Variants in SCAPER observed in about 807,000 individuals in gnomAD.
The protein encoded by SCAPER is S phase cyclin A-associated protein in the endoplasmic reticulum.
Under a neutral mutation model 182.2 loss-of-function variants are expected in SCAPER, and 98 were observed. The observed-to-expected ratio is 0.54, with a 90% CI of 0.46 to 0.64. The LOEUF (loss-of-function observed/expected upper bound fraction) is 0.64. Ranked by LOEUF, SCAPER falls within the 30% of genes least tolerant of loss-of-function variation. The pLI is 0.00. For missense variants in SCAPER, 1,432 were observed against 1,690.0 expected (o/e 0.85, Z 2.68); for synonymous variants, 605 against 564.6 (o/e 1.07, Z -1.01).
At chr15:76,605,597 G>A (rs1308319724) in intron 22 of SCAPER, among the ~76,000 whole-genome samples, 1 of 152,188 alleles carries the variant, frequency 6.6e-6, no homozygotes, top group African/African-American at 2.4e-5. Flanking sequence ...CAGAAGGAAT[G>A]GTAGCAGCTC....
intron 23 of SCAPER, among the ~76,000 whole-genome samples, chr15:76,536,649 CT>C (rs1406891522): frequency 6.6e-6 from 1 of 152,036 alleles, no homozygotes; most frequent in Non-Finnish European, 1.5e-5. Context: ...CCTTTGAAAA[CT>C]GGCACAAGAC....
chr15:76,633,190 G>A (rs1400124708), intron 21 of SCAPER, among the ~76,000 whole-genome samples: 1 of 152,142 alleles, frequency 6.6e-6, no homozygotes, highest in Non-Finnish European at 1.5e-5. Context: ...TAGGGCTGCT[G>A]CCATTTGCTG....
At chr15:76,691,254 A>G (rs2058342384) in intron 20 of SCAPER, among the ~76,000 whole-genome samples, 1 of 152,048 alleles carries the variant, frequency 6.6e-6, no homozygotes, top group Non-Finnish European at 1.5e-5. Flanking sequence ...AAATTAAATT[A>G]TTAAAGAAAT....
chr15:76,782,969 G>T (rs1273702072), intron 8 of SCAPER, among the ~76,000 whole-genome samples: 2 of 152,114 alleles, frequency 1.3e-5, no homozygotes, highest in African/African-American at 2.4e-5. Context: ...TCAATTAAAA[G>T]AACTAGAGAA....
chr15:76,468,537 A>G (rs577691438), intron 25 of SCAPER, among the ~76,000 whole-genome samples: 2 of 152,196 alleles, frequency 1.3e-5, no homozygotes, highest in African/African-American at 4.8e-5. Flanking sequence ...AGAAGAAGAA[A>G]ATGATCAAGG....
At chr15:76,761,011 A>G (rs2062749682) in intron 14 of SCAPER, among the ~76,000 whole-genome samples, 1 of 151,928 alleles carries the variant, frequency 6.6e-6, no homozygotes, top group African/African-American at 2.4e-5. Flanking sequence ...TTGGTTTTTG[A>G]TTACTGATTC....
rs536222750 is a variant in SCAPER at position 76,379,488 on chromosome 15, C to T, written c.3705+1890G>A. On this transcript the variant is annotated intron_variant, in intron 28 of 31. Transcript: ENST00000563290. ...ATTTTGTTATTTCATTTCTTTTTAT[C>T]CCTAGAGACCCTGATTTTGAGAATA... Among the ~76,000 whole-genome samples the T allele has an allele frequency of 2.1e-3, 317 of 151,978 alleles. 2 individuals carry two copies. The highest frequency in any genetic ancestry group is 7.3e-3 in the African/African-American group (302 of 41,448).
At chr15:76,422,194 A>G (rs1366034517) in intron 26 of SCAPER, among the ~76,000 whole-genome samples, 6 of 152,302 alleles carry the variant, frequency 3.9e-5, no homozygotes, top group South Asian at 4.1e-4. Context: ...CATTGAATCT[A>G]TAAATTACCT....
intron 5 of SCAPER, among the ~76,000 whole-genome samples, chr15:76,806,355 G>A (rs1035041690): frequency 2.0e-5 from 3 of 152,094 alleles, no homozygotes; most frequent in Non-Finnish European, 4.4e-5. Context: ...ATACATAGAC[G>A]TATGAATTTA....
chr15:76,511,097 A>C (rs2041992983), intron 23 of SCAPER, among the ~76,000 whole-genome samples: 1 of 151,922 alleles, frequency 6.6e-6, no homozygotes, highest in Non-Finnish European at 1.5e-5. Context: ...CTGGGGACTC[A>C]GGGGGAAAGG....
intron 20 of SCAPER, 94 bp from the exon 21 acceptor site, chr15:76,665,883 A>C (rs1235144790): frequency 1.7e-5 from 19 of 1,092,310 alleles, no homozygotes; most frequent in Non-Finnish European, 2.0e-5. Context: ...AAGACATTTG[A>C]TGAAACTAAA....
At chr15:76,728,514 A>G (rs2060723061) in intron 17 of SCAPER, 81 bp downstream of exon 17, 4 of 1,577,176 alleles carry the variant, frequency 2.5e-6, no homozygotes, top group Non-Finnish European at 3.5e-6. Flanking sequence ...AAAAAACTCT[A>G]CATGACAGTA....
chr15:76,800,846 C>T (rs2065730733), intron 6 of SCAPER, among the ~76,000 whole-genome samples: 1 of 152,172 alleles, frequency 6.6e-6, no homozygotes, highest in Admixed American at 6.5e-5. Context: ...CTTAATCACT[C>T]ACGAGAGTAG....
intron 11 of SCAPER, 146 bp downstream of exon 11, chr15:76,766,772 G>A: frequency 1.6e-6 from 1 of 641,212 alleles, no homozygotes; most frequent in Non-Finnish European, 2.5e-6. Flanking sequence ...AAATCACCCT[G>A]AGAATAATAG....
intron 25 of SCAPER, 26 bp downstream of exon 25, chr15:76,471,186 T>C (rs1301330255): frequency 6.3e-7 from 1 of 1,577,262 alleles, no homozygotes; most frequent in African/African-American, 1.4e-5. Flanking sequence ...TAACTGCTTC[T>C]AACTCAAAGC....
chr15:76,821,224 C>A (rs1001213685), intron 5 of SCAPER, among the ~76,000 whole-genome samples: 5 of 152,218 alleles, frequency 3.3e-5, no homozygotes, highest in Admixed American at 3.3e-4. Context: ...TGGAAGCCAC[C>A]AAGACGTTCT....
chr15:76,804,210 G>A (rs1460484905), intron 6 of SCAPER, among the ~76,000 whole-genome samples: 2 of 152,120 alleles, frequency 1.3e-5, no homozygotes, highest in African/African-American at 4.8e-5. Context: ...CTCCAAAAGA[G>A]ATTTGTCCTT....
intron 2 of SCAPER, among the ~76,000 whole-genome samples, chr15:76,882,692 T>C (rs2073628076): frequency 2.0e-5 from 3 of 151,724 alleles, no homozygotes; most frequent in African/African-American, 7.3e-5. Flanking sequence ...TGAGACGGAG[T>C]CTCGCTCTAT....
At chr15:76,359,917 C>G (rs2280306) in intron 29 of SCAPER, among the ~76,000 whole-genome samples, 48,006 of 152,008 alleles carry the variant, frequency 0.32, 8,020 homozygotes, top group East Asian at 0.58. Flanking sequence ...GGTGCCTTGA[C>G]TTGGGGTAGA....
Sources: allele counts gnomAD v4.1 joint callset (sites outside exome capture counted in the v4.1 genomes callset), GRCh38; gene constraint gnomAD v4.1.1; transcripts MANE v1.5; gene names NCBI Gene and HGNC (gene_info 2026-07-23, HGNC 2026-07-21).